VPS13B: variants seen among roughly 807,000 people sequenced by gnomAD.
VPS13B encodes the protein intermembrane lipid transfer protein VPS13B.
VPS13B carries 285 observed loss-of-function variants against 426.4 expected under a neutral mutation model. The observed-to-expected ratio is 0.67, with a 90% CI of 0.61 to 0.74. The LOEUF (loss-of-function observed/expected upper bound fraction) is 0.74, where lower values mean the gene tolerates loss of function less well. VPS13B is among the 30% of genes least tolerant of loss of function. The pLI, the probability that VPS13B is intolerant of heterozygous loss-of-function variation, is 0.00. For synonymous variants in VPS13B, 1,676 were observed against 1,676.4 expected, an observed-to-expected ratio of 1.00 and a Z score of 0.01; for missense variants, 4,537 against 4,782.6, an observed-to-expected ratio of 0.95 and a Z score of 1.51.
chr8:99,025,230 G>T (rs1489420505), intron 2 of VPS13B, among the ~76,000 whole-genome samples: 1 of 151,716 alleles, frequency 6.6e-6, no homozygotes, highest in East Asian at 1.9e-4. Context: ...CTGCAAATAG[G>T]GACAGTTTGA....
At chr8:99,182,298 G>A (rs1812984631) in intron 16 of VPS13B, among the ~76,000 whole-genome samples, 1 of 152,088 alleles carries the variant, frequency 6.6e-6, no homozygotes, top group African/African-American at 2.4e-5. Context: ...ATCTGTAGTG[G>A]AAAAAAGTCT....
At chr8:99,341,072 A>G (rs1260334573) in intron 19 of VPS13B, 1 of 272,050 alleles carries the variant, frequency 3.7e-6, no homozygotes, top group African/African-American at 2.3e-5. Context: ...TAGTGTAATC[A>G]AAGGTTATTC....
At chr8:99,628,562 C>G (rs553185752) in intron 33 of VPS13B, among the ~76,000 whole-genome samples, 157 of 152,226 alleles carry the variant, frequency 1.0e-3, no homozygotes, top group African/African-American at 3.6e-3. Context: ...GTGGACAAGA[C>G]TAATTAGTCC....
At chr8:99,852,677 G>T (rs1315870990) in intron 55 of VPS13B, among the ~76,000 whole-genome samples, 1 of 152,190 alleles carries the variant, frequency 6.6e-6, no homozygotes, top group African/African-American at 2.4e-5. Context: ...GGCACAAAAG[G>T]CTGCTTAGAG....
chr8:99,554,229 G>A (rs1039039702), intron 30 of VPS13B, among the ~76,000 whole-genome samples: 1 of 151,874 alleles, frequency 6.6e-6, no homozygotes, highest in Non-Finnish European at 1.5e-5. Context: ...TTCCTTCAAA[G>A]GTATTCTTAA....
At chr8:99,311,020 C>T (rs1299107337) in intron 19 of VPS13B, among the ~76,000 whole-genome samples, 1 of 151,894 alleles carries the variant, frequency 6.6e-6, no homozygotes, top group African/African-American at 2.4e-5. Flanking sequence ...GGTGATATCC[C>T]CTTTATCATT....
chr8:99,357,353 T>C (rs1812234771), intron 19 of VPS13B, among the ~76,000 whole-genome samples: 1 of 152,182 alleles, frequency 6.6e-6, no homozygotes, highest in African/African-American at 2.4e-5. Context: ...TAATATCTTA[T>C]TTTTTTCATT....
chr8:99,297,054 T>G (rs1239002775), intron 19 of VPS13B, among the ~76,000 whole-genome samples: 1 of 152,184 alleles, frequency 6.6e-6, no homozygotes, highest in Non-Finnish European at 1.5e-5. Context: ...ACATCTCGTG[T>G]ACTCATGTGA....
intron 35 of VPS13B, among the ~76,000 whole-genome samples, chr8:99,669,351 G>A (rs1302300499): frequency 6.6e-6 from 1 of 151,980 alleles, no homozygotes; most frequent in East Asian, 1.9e-4. Flanking sequence ...AGGGTTATTT[G>A]CAAAAACATT....
chr8:99,080,601 G>A (rs2132366465), intron 3 of VPS13B, among the ~76,000 whole-genome samples: 1 of 152,116 alleles, frequency 6.6e-6, no homozygotes, highest in East Asian at 1.9e-4. Context: ...AATTATTATG[G>A]TTCTAAAATA....
At chr8:99,730,510 A>G (rs1833549611) in intron 39 of VPS13B, among the ~76,000 whole-genome samples, 1 of 152,146 alleles carries the variant, frequency 6.6e-6, no homozygotes, top group Non-Finnish European at 1.5e-5. Flanking sequence ...CTGTCTTCAT[A>G]ATGTTGTAAA....
chr8:99,178,606 A>ATTTAT (rs1319937111), intron 16 of VPS13B, among the ~76,000 whole-genome samples: 28 of 151,866 alleles, frequency 1.8e-4, no homozygotes, highest in Middle Eastern at 3.4e-3. Context: ...GACATCTTTT[A>ATTTAT]TTTATTTTAT....
chr8:99,721,240 C>G (rs1833118143), intron 39 of VPS13B, among the ~76,000 whole-genome samples, 193 bp downstream of exon 39: 1 of 152,056 alleles, frequency 6.6e-6, no homozygotes, highest in African/African-American at 2.4e-5. Flanking sequence ...ATAATGTAAT[C>G]CAAATTCATG....
At chr8:99,568,903 C>T (rs542716409) in intron 31 of VPS13B, among the ~76,000 whole-genome samples, 2 of 151,652 alleles carry the variant, frequency 1.3e-5, no homozygotes, top group South Asian at 4.2e-4. Flanking sequence ...GCTCTGTCTC[C>T]CGGGTTCACG....
chr8:99,679,550 G>C (rs945791871), intron 35 of VPS13B, among the ~76,000 whole-genome samples: 1 of 152,174 alleles, frequency 6.6e-6, no homozygotes, highest in African/African-American at 2.4e-5. Context: ...CCAGATCCCA[G>C]TGATAAGTAT....
intron 33 of VPS13B, among the ~76,000 whole-genome samples, chr8:99,604,764 A>T (rs937398511): frequency 6.6e-6 from 1 of 152,054 alleles, no homozygotes; most frequent in African/African-American, 2.4e-5. Flanking sequence ...TGCTGGGATT[A>T]CAGGTTCCTT....
intron 31 of VPS13B, among the ~76,000 whole-genome samples, chr8:99,561,637 C>G (rs1010882266): frequency 1.3e-5 from 2 of 152,150 alleles, no homozygotes; most frequent in African/African-American, 4.8e-5. Context: ...TTTGCCCAAC[C>G]AAGGCCAATG....
intron 19 of VPS13B, among the ~76,000 whole-genome samples, chr8:99,298,044 G>A (rs1820139252): frequency 6.6e-6 from 1 of 152,128 alleles, no homozygotes; most frequent in African/African-American, 2.4e-5. Context: ...TTAAAGGCAT[G>A]TTTTGGTGCA....
intron 21 of VPS13B, among the ~76,000 whole-genome samples, chr8:99,422,252 C>T (rs1816416852): frequency 6.6e-6 from 1 of 152,068 alleles, no homozygotes; most frequent in African/African-American, 2.4e-5. Flanking sequence ...ATTTGAACAA[C>T]ACTTTTAAGC....
Sources: gnomAD v4.1 joint callset for allele counts (sites outside exome capture counted in the v4.1 genomes callset) on GRCh38, gnomAD v4.1.1 for gene constraint, MANE v1.5 for transcripts, NCBI Gene and HGNC (gene_info 2026-07-23, HGNC 2026-07-21) for gene names.